The following NAV2 variants were observed in gnomAD, a reference collection of about 807,000 sequenced individuals.
NAV2 encodes neuron navigator 2, also known as helicase, APC down-regulated 1.
NAV2 carries 54 observed loss-of-function variants against 223.2 expected under a neutral mutation model. That is an observed-to-expected ratio of 0.24 (90% CI 0.19 to 0.30). The LOEUF is 0.30. Among genes scored for constraint, NAV2 ranks in the 10% least tolerant of loss-of-function variants. The probability of loss-of-function intolerance (pLI) is 1.00; values close to 1 mark genes in which losing one functional copy is unlikely to be tolerated. For missense variants in NAV2, 2,806 were observed against 3,147.5 expected, an observed-to-expected ratio of 0.89 and a Z score of 2.60; for synonymous variants, 1,279 against 1,239.3, an observed-to-expected ratio of 1.03 and a Z score of -0.67.
chr11:19,643,385 A>G (rs2047721604), intron 1 of NAV2, among the ~76,000 whole-genome samples: 1 of 138,984 alleles, frequency 7.2e-6, no homozygotes, highest in Non-Finnish European at 1.5e-5. Flanking sequence ...TCATTGTTCA[A>G]TTCCCACCTA....
chr11:19,455,955 G>A (rs1221606286), intron 1 of NAV2, among the ~76,000 whole-genome samples: 1 of 152,202 alleles, frequency 6.6e-6, no homozygotes, highest in Non-Finnish European at 1.5e-5. Flanking sequence ...CCCCAGCTGT[G>A]GCTAAAGCCT....
At chr11:19,926,745 C>T (rs1275180440) in intron 6 of NAV2, among the ~76,000 whole-genome samples, 2 of 152,190 alleles carry the variant, frequency 1.3e-5, no homozygotes, top group Non-Finnish European at 2.9e-5. Flanking sequence ...CATTTTCCCA[C>T]ACCCAATTAT....
intron 29 of NAV2, among the ~76,000 whole-genome samples, chr11:20,094,613 C>T (rs1237597628): frequency 6.6e-6 from 1 of 152,218 alleles, no homozygotes; most frequent in East Asian, 1.9e-4. Context: ...ATAGAGCATA[C>T]CTTTTACAAA....
chr11:19,908,076 C>T (rs773730868), intron 6 of NAV2, among the ~76,000 whole-genome samples: 5 of 152,168 alleles, frequency 3.3e-5, no homozygotes, highest in South Asian at 2.1e-4. Flanking sequence ...TCTTGGCAAC[C>T]GGAATGGCCA....
At chr11:19,592,676 G>C (rs1279846304) in intron 1 of NAV2, among the ~76,000 whole-genome samples, 1 of 152,004 alleles carries the variant, frequency 6.6e-6, no homozygotes, top group African/African-American at 2.4e-5. Flanking sequence ...CTGTAAAATA[G>C]GGATTTTTAA....
At chr11:19,564,125 C>A (rs1262538208) in intron 1 of NAV2, among the ~76,000 whole-genome samples, 1 of 152,136 alleles carries the variant, frequency 6.6e-6, no homozygotes, top group Non-Finnish European at 1.5e-5. Flanking sequence ...GGAAGATGAG[C>A]GGCTGTGAGA....
chr11:19,961,344 A>G (rs1391479385), intron 10 of NAV2, among the ~76,000 whole-genome samples: 1 of 152,200 alleles, frequency 6.6e-6, no homozygotes, highest in Non-Finnish European at 1.5e-5. Context: ...GTGGCTCAAC[A>G]GATTTATGAT....
chr11:19,419,875 G>A (rs966790543), intron 1 of NAV2, among the ~76,000 whole-genome samples: 2 of 152,202 alleles, frequency 1.3e-5, no homozygotes, highest in Non-Finnish European at 2.9e-5. Flanking sequence ...AGTTATGTAA[G>A]CTCTTGAGAA....
intron 1 of NAV2, among the ~76,000 whole-genome samples, chr11:19,451,104 G>C (rs754444): frequency 1.3e-5 from 2 of 152,050 alleles, no homozygotes; most frequent in African/African-American, 4.8e-5. Flanking sequence ...CTGTCCCCAG[G>C]TTAACTCCAC....
chr11:19,565,557 A>C (rs2045240591), intron 1 of NAV2, among the ~76,000 whole-genome samples: 1 of 152,198 alleles, frequency 6.6e-6, no homozygotes, highest in Non-Finnish European at 1.5e-5. Context: ...GGCTACATGC[A>C]TCACTGATCT....
intron 1 of NAV2, among the ~76,000 whole-genome samples, chr11:19,430,038 T>C (rs192803140): frequency 3.0e-4 from 46 of 152,314 alleles, no homozygotes; most frequent in Admixed American, 3.9e-4. Flanking sequence ...ATCCCTCTCA[T>C]CAGCTCAAAC....
At chr11:19,816,212 C>T (rs11025264) in intron 1 of NAV2, among the ~76,000 whole-genome samples, 138,923 of 152,250 alleles carry the variant, frequency 0.91, 64,195 homozygotes, top group East Asian at 0.99. Context: ...ATGGAGTTGC[C>T]GAGAAAGGAA....
intron 1 of NAV2, among the ~76,000 whole-genome samples, chr11:19,436,704 T>G (rs1455656139): frequency 6.6e-6 from 1 of 152,174 alleles, no homozygotes; most frequent in Non-Finnish European, 1.5e-5. Context: ...ATTGTTCTAC[T>G]TCATGAACAT....
At chr11:20,028,973 T>C (rs1215918889) in intron 11 of NAV2, among the ~76,000 whole-genome samples, 1 of 152,134 alleles carries the variant, frequency 6.6e-6, no homozygotes, top group Non-Finnish European at 1.5e-5. Context: ...TAAGAGAACA[T>C]ACTTCTGTCT....
At chr11:20,105,464 G>A (rs1181208598) in intron 34 of NAV2, 67 bp from the exon 35 acceptor site, 3 of 1,392,246 alleles carry the variant, frequency 2.2e-6, no homozygotes, top group South Asian at 1.3e-5. Flanking sequence ...ACGTGCTTTG[G>A]TTCCTGAGGT....
intron 10 of NAV2, among the ~76,000 whole-genome samples, chr11:19,980,539 G>A (rs1047778195): frequency 6.6e-6 from 1 of 152,174 alleles, no homozygotes; most frequent in African/African-American, 2.4e-5. Flanking sequence ...GGAGGATGAG[G>A]CCATCAGTCC....
intron 11 of NAV2, among the ~76,000 whole-genome samples, chr11:20,001,141 G>T (rs544294467): frequency 3.4e-4 from 52 of 152,106 alleles, no homozygotes; most frequent in Admixed American, 2.0e-3. Flanking sequence ...CACGCTCCGG[G>T]GTATTGTAAA....
chr11:19,880,270 G>A (rs1377762920), intron 5 of NAV2, 143 bp downstream of exon 5: 10 of 1,219,700 alleles, frequency 8.2e-6, no homozygotes, highest in Non-Finnish European at 1.0e-5. Flanking sequence ...AAATTAGCAT[G>A]GCCTTGAAAT....
intron 1 of NAV2, among the ~76,000 whole-genome samples, chr11:19,588,245 A>C (rs1198617168): frequency 6.6e-6 from 1 of 152,190 alleles, no homozygotes. Flanking sequence ...CAAAATCCTG[A>C]ATTAGTTACT....
Sources: gnomAD v4.1 joint callset for allele counts (sites outside exome capture counted in the v4.1 genomes callset) on GRCh38, gnomAD v4.1.1 for gene constraint, MANE v1.5 for transcripts, NCBI Gene and HGNC (gene_info 2026-07-23, HGNC 2026-07-21) for gene names.